SPOCK3: variants seen among roughly 807,000 people sequenced by gnomAD.
The protein encoded by SPOCK3 is testican-3.
A neutral mutation model predicts 56.6 loss-of-function variants in SPOCK3; 30 were observed. The ratio of observed to expected loss-of-function variants is 0.53; its 90% CI spans 0.40 to 0.72. The LOEUF is 0.72. Ranked by LOEUF, SPOCK3 falls within the 30% of genes least tolerant of loss-of-function variation. The probability of loss-of-function intolerance (pLI) is 0.00; values close to 1 mark genes in which losing one functional copy is unlikely to be tolerated. For missense variants in SPOCK3, 527 were observed against 530.0 expected, an observed-to-expected ratio of 0.99 and a Z score of 0.06; for synonymous variants, 196 against 183.3, an observed-to-expected ratio of 1.07 and a Z score of -0.56.
chr4:166,997,761 T>C (rs191927909), intron 4 of SPOCK3, among the ~76,000 whole-genome samples: 78 of 152,282 alleles, frequency 5.1e-4, no homozygotes, highest in Non-Finnish European at 9.0e-4. Context: ...TGATATATTG[T>C]ATTGGGAAGA....
At chr4:166,992,816 C>T (rs904795434) in intron 4 of SPOCK3, among the ~76,000 whole-genome samples, 1 of 151,912 alleles carries the variant, frequency 6.6e-6, no homozygotes, top group Non-Finnish European at 1.5e-5. Context: ...CTTTGCTGTA[C>T]TTTTTCCCCC....
chr4:166,891,892 T>C (rs1734827679), intron 5 of SPOCK3, among the ~76,000 whole-genome samples: 1 of 152,004 alleles, frequency 6.6e-6, no homozygotes, highest in East Asian at 1.9e-4. Context: ...TATTACATTT[T>C]ACCATTTGAA....
At chr4:166,981,920 G>A (rs968433968) in intron 4 of SPOCK3, among the ~76,000 whole-genome samples, 6 of 152,180 alleles carry the variant, frequency 3.9e-5, no homozygotes, top group Non-Finnish European at 7.4e-5. Context: ...GCTCACACAC[G>A]CTCTGCAACT....
intron 6 of SPOCK3, among the ~76,000 whole-genome samples, chr4:166,801,274 C>G (rs1742565712): frequency 1.3e-5 from 2 of 152,104 alleles, no homozygotes; most frequent in Non-Finnish European, 2.9e-5. Context: ...TTGTCCAAAT[C>G]ATAGGTATTC....
At chr4:167,117,495 G>T (rs530439325) in intron 2 of SPOCK3, among the ~76,000 whole-genome samples, 5 of 152,274 alleles carry the variant, frequency 3.3e-5, no homozygotes, top group Admixed American at 3.3e-4. Context: ...GAGCAATCAA[G>T]TGAGGGGAAC....
At chr4:166,837,024 A>G (rs1300239488) in intron 6 of SPOCK3, among the ~76,000 whole-genome samples, 1 of 152,202 alleles carries the variant, frequency 6.6e-6, no homozygotes, top group Non-Finnish European at 1.5e-5. Flanking sequence ...CCTCATTGCC[A>G]TGGTTCCTAT....
intron 5 of SPOCK3, among the ~76,000 whole-genome samples, chr4:166,890,598 G>A (rs1374138899): frequency 6.6e-6 from 1 of 151,778 alleles, no homozygotes; most frequent in Non-Finnish European, 1.5e-5. Flanking sequence ...AGAATTTTAA[G>A]CCTAAGTATT....
In SPOCK3 at chr4:167,220,011, C is replaced by G. The variant is rs940863039; in HGVS notation, c.189+13974G>C. 5.9e-5 allele frequency among the ~76,000 whole-genome samples: 9 copies of G among 152,130 alleles called. No homozygotes were observed. The South Asian group carries it at 1.9e-3, about 32-fold the overall frequency. ...ATGATAGGATTTCATTTTTTTAAGT[C>G]AATAACATTACATCTCTCTTTGATA... On this transcript the variant is annotated intron_variant, in intron 2 of 10. Coordinates refer to ENST00000357545, the MANE Select transcript of SPOCK3 (RefSeq NM_001040159.2).
intron 4 of SPOCK3, among the ~76,000 whole-genome samples, chr4:166,934,347 AAT>A (rs1554004642): frequency 1.3e-5 from 2 of 150,916 alleles, no homozygotes; most frequent in African/African-American, 4.8e-5. Flanking sequence ...AAAAAAAAAA[AAT>A]TCGTCAGGTG....
chr4:166,829,125 C>G (rs552636500), intron 6 of SPOCK3, among the ~76,000 whole-genome samples: 1 of 152,078 alleles, frequency 6.6e-6, no homozygotes, highest in African/African-American at 2.4e-5. Context: ...TCACCACATA[C>G]ACAGATTCAA....
chr4:167,094,838 A>G (rs1442329348), intron 2 of SPOCK3, among the ~76,000 whole-genome samples: 1 of 152,140 alleles, frequency 6.6e-6, no homozygotes, highest in Non-Finnish European at 1.5e-5. Flanking sequence ...AATAATGTAC[A>G]TAGAGAAAGA....
chr4:166,782,619 G>T (rs1022075039), intron 7 of SPOCK3, among the ~76,000 whole-genome samples: 2 of 151,784 alleles, frequency 1.3e-5, no homozygotes, highest in African/African-American at 4.8e-5. Context: ...AAACTAACCA[G>T]AATTACAGTA....
intron 2 of SPOCK3, among the ~76,000 whole-genome samples, chr4:167,206,423 A>G (rs1047922225): frequency 1.5e-4 from 23 of 152,140 alleles, no homozygotes; most frequent in African/African-American, 5.3e-4. Context: ...ATAAATATAT[A>G]TATCTGCAAA....
chr4:166,743,801 A>G (rs1156406340), intron 8 of SPOCK3, among the ~76,000 whole-genome samples: 1 of 152,160 alleles, frequency 6.6e-6, no homozygotes, highest in South Asian at 2.1e-4. Flanking sequence ...ACACCAGGAG[A>G]CTATATCCTG....
intron 4 of SPOCK3, among the ~76,000 whole-genome samples, chr4:166,950,534 A>C (rs1579767752): frequency 6.6e-6 from 1 of 152,064 alleles, no homozygotes; most frequent in Admixed American, 6.5e-5. Context: ...AATGAGACAG[A>C]AAGTTAACAA....
intron 2 of SPOCK3, among the ~76,000 whole-genome samples, chr4:167,216,557 C>T (rs13142375): frequency 0.032 from 4,827 of 151,958 alleles, 115 homozygotes; most frequent in Middle Eastern, 0.075. Flanking sequence ...GATATGCAAG[C>T]GATTTGATTG....
chr4:166,735,195 T>G, intron 10 of SPOCK3, 105 bp from the exon 11 acceptor site: 1 of 701,018 alleles, frequency 1.4e-6, no homozygotes. Context: ...AGAAAGTAAT[T>G]TGTTTTCTAT....
At chr4:166,939,742 C>T (rs1430959258) in intron 4 of SPOCK3, among the ~76,000 whole-genome samples, 2 of 152,146 alleles carry the variant, frequency 1.3e-5, no homozygotes, top group East Asian at 1.9e-4. Flanking sequence ...AGTTCGAAAC[C>T]AGAGTCTTGA....
intron 2 of SPOCK3, among the ~76,000 whole-genome samples, chr4:167,202,264 A>G (rs1733589908): frequency 6.6e-6 from 1 of 151,990 alleles, no homozygotes; most frequent in South Asian, 2.1e-4. Flanking sequence ...CAGCAGTCTC[A>G]TAGCAGCAAC....
Sources: gnomAD v4.1 joint callset for allele counts (sites outside exome capture counted in the v4.1 genomes callset) on GRCh38, gnomAD v4.1.1 for gene constraint, MANE v1.5 for transcripts, NCBI Gene and HGNC (gene_info 2026-07-23, HGNC 2026-07-21) for gene names.